The following WDPCP variants were observed in gnomAD, a reference collection of about 807,000 sequenced individuals.
WDPCP encodes the protein WD repeat-containing and planar cell polarity effector protein fritz homolog.
Under a neutral mutation model 93.1 loss-of-function variants are expected in WDPCP, and 71 were observed. The ratio of observed to expected loss-of-function variants is 0.76; its 90% CI spans 0.63 to 0.93. The LOEUF (loss-of-function observed/expected upper bound fraction) is 0.93, where lower values mean the gene tolerates loss of function less well. WDPCP is among the 40% of genes least tolerant of loss of function. The probability of loss-of-function intolerance (pLI) is 0.00; values close to 1 mark genes in which losing one functional copy is unlikely to be tolerated. For synonymous variants in WDPCP, 315 were observed against 315.0 expected (o/e 1.00, Z 0.00); for missense variants, 844 against 887.4 (o/e 0.95, Z 0.62).
At chr2:63,684,835 A>G (rs781271827) in intron 2 of WDPCP, 19 of 330,476 alleles carry the variant, frequency 5.7e-5, no homozygotes, top group Middle Eastern at 1.0e-3. Context: ...TGGAAACTAT[A>G]CAATCACATG....
At chr2:63,265,657 A>C (rs1051689666) in intron 13 of WDPCP, among the ~76,000 whole-genome samples, 1 of 152,174 alleles carries the variant, frequency 6.6e-6, no homozygotes, top group Non-Finnish European at 1.5e-5. Flanking sequence ...TTCCAAACTC[A>C]CTGTGAGGCC....
upstream of WDPCP, among the ~76,000 whole-genome samples, chr2:63,830,231 G>T (rs1216844701): frequency 6.6e-6 from 1 of 151,778 alleles, no homozygotes; most frequent in South Asian, 2.1e-4. Context: ...TATCTTGATG[G>T]CCTAAATATT....
chr2:63,722,869 G>A (rs1463147909), intron 2 of WDPCP, among the ~76,000 whole-genome samples: 2 of 152,062 alleles, frequency 1.3e-5, no homozygotes, highest in Non-Finnish European at 1.5e-5. Flanking sequence ...AAAAGATTGA[G>A]AAATCGGATG....
chr2:63,716,937 C>T (rs1669347705), intron 2 of WDPCP, among the ~76,000 whole-genome samples: 1 of 152,208 alleles, frequency 6.6e-6, no homozygotes, highest in South Asian at 2.1e-4. Flanking sequence ...TTCAGTGCTA[C>T]ATGTACTGAA....
At chr2:63,267,114 C>T (rs1358382827) in intron 13 of WDPCP, among the ~76,000 whole-genome samples, 2 of 152,170 alleles carry the variant, frequency 1.3e-5, no homozygotes, top group Non-Finnish European at 2.9e-5. Context: ...CAGCATAGTA[C>T]TGGCATAAAA....
At chr2:63,242,377 CT>C (rs1234736308) in intron 14 of WDPCP, among the ~76,000 whole-genome samples, 1 of 152,108 alleles carries the variant, frequency 6.6e-6, no homozygotes, top group East Asian at 1.9e-4. Context: ...AAAAGGATTT[CT>C]TTTATATTTT....
chr2:63,674,512 G>A (rs1261431303), intron 2 of WDPCP, among the ~76,000 whole-genome samples: 9 of 152,278 alleles, frequency 5.9e-5, no homozygotes, highest in Middle Eastern at 3.4e-3. Flanking sequence ...CTCATAAGAA[G>A]CAGGGAGTAG....
intron 1 of WDPCP, among the ~76,000 whole-genome samples, chr2:63,552,921 G>C (rs1040081100): frequency 1.3e-5 from 2 of 152,152 alleles, no homozygotes; most frequent in African/African-American, 4.8e-5. Flanking sequence ...TGTGTCTAAA[G>C]GTGATTTCTA....
At chr2:63,255,197 G>C (rs1248389693) in intron 14 of WDPCP, among the ~76,000 whole-genome samples, 4 of 152,288 alleles carry the variant, frequency 2.6e-5, no homozygotes, top group African/African-American at 7.2e-5. Flanking sequence ...ATTATTGAAA[G>C]CTTTCCCTAA....
intron 2 of WDPCP, among the ~76,000 whole-genome samples, chr2:63,720,765 C>T (rs1276863330): frequency 1.3e-5 from 2 of 152,190 alleles, no homozygotes; most frequent in East Asian, 3.8e-4. Flanking sequence ...ATGGCAGTCA[C>T]TCCCATGGCA....
chr2:63,313,886 A>ATGTGTGTGTGTATATTTT, intron 12 of WDPCP, among the ~76,000 whole-genome samples: 1 of 74,502 alleles, frequency 1.3e-5, no homozygotes, highest in Non-Finnish European at 2.6e-5. Context: ...ATATATATAT[A>ATGTGTGTGTGTATATTTT]TTTTTTTTTT....
intron 12 of WDPCP, among the ~76,000 whole-genome samples, chr2:63,335,426 A>AT (rs34221663): frequency 0.29 from 43,040 of 146,640 alleles, 9,454 homozygotes; most frequent in East Asian, 0.59. Flanking sequence ...AGAATGAAAG[A>AT]TTTTTTTTTT....
At chr2:63,141,376 T>C (rs1300693973) in intron 17 of WDPCP, among the ~76,000 whole-genome samples, 1 of 152,174 alleles carries the variant, frequency 6.6e-6, no homozygotes, top group Admixed American at 6.5e-5. Context: ...CATGTCCAGC[T>C]GATTTTTACT....
chr2:63,651,077 C>A (rs921092777), intron 2 of WDPCP, among the ~76,000 whole-genome samples: 5 of 152,044 alleles, frequency 3.3e-5, no homozygotes, highest in Non-Finnish European at 5.9e-5. Context: ...AAAGACAACA[C>A]CCTTGGAGAT....
At chr2:63,526,407 T>G (rs1173068280) in intron 1 of WDPCP, among the ~76,000 whole-genome samples, 2 of 152,214 alleles carry the variant, frequency 1.3e-5, no homozygotes, top group Non-Finnish European at 2.9e-5. Flanking sequence ...CAGTGGCAAC[T>G]GTTTGAAAAG....
At chr2:63,615,839 G>A (rs900307157) in intron 3 of WDPCP, among the ~76,000 whole-genome samples, 1 of 152,172 alleles carries the variant, frequency 6.6e-6, no homozygotes, top group Non-Finnish European at 1.5e-5. Flanking sequence ...TTCTACTCAT[G>A]CTTCTTCTCT....
intron 14 of WDPCP, among the ~76,000 whole-genome samples, chr2:63,216,003 T>G (rs897592241): frequency 1.3e-5 from 2 of 152,142 alleles, no homozygotes; most frequent in Non-Finnish European, 2.9e-5. Context: ...AAAACCACAA[T>G]GAGATACCAT....
At chr2:63,586,132 G>A (rs2106569094) in intron 1 of WDPCP, among the ~76,000 whole-genome samples, 1 of 152,178 alleles carries the variant, frequency 6.6e-6, no homozygotes, top group South Asian at 2.1e-4. Context: ...GCCTAGCTGT[G>A]GTTAAATAAT....
At position 63,691,559 on chromosome 2, in the gene WDPCP, T is replaced by A. The variant is rs550036707; in HGVS notation, n.309-40721A>T. On this transcript the variant is annotated intron_variant and non_coding_transcript_variant, in intron 2 of 4. Transcript: ENST00000467687. ...CTGAGGTGAAAGAATCGCTTGAACC[T>A]GGGGGGCGGAGGTTGCAGTGAGCCA... is the stretch of plus-strand genomic sequence containing the variant. Among the ~76,000 whole-genome samples the A allele has an allele frequency of 5.3e-5, 8 of 152,050 alleles. 1 individual carries two copies. The South Asian group carries it at 1.2e-3, about 24-fold the overall frequency.
Sources: gnomAD v4.1 joint callset for allele counts (sites outside exome capture counted in the v4.1 genomes callset) on GRCh38, gnomAD v4.1.1 for gene constraint, MANE v1.5 for transcripts, NCBI Gene and HGNC (gene_info 2026-07-23, HGNC 2026-07-21) for gene names.